WASHC3: variants seen among roughly 807,000 people sequenced by gnomAD.
WASHC3 encodes WASH complex subunit 3, also known as WASH complex subunit CCDC53.
Under a neutral mutation model 26.1 loss-of-function variants are expected in WASHC3, and 24 were observed. The observed-to-expected ratio is 0.92, with a 90% CI of 0.66 to 1.29. The LOEUF is 1.29. Ranked by LOEUF, WASHC3 falls within the 50% of genes most tolerant of loss-of-function variation. The probability of loss-of-function intolerance (pLI) is 0.00; values close to 1 mark genes in which losing one functional copy is unlikely to be tolerated. For missense variants in WASHC3, 214 were observed against 229.6 expected, an observed-to-expected ratio of 0.93 and a Z score of 0.44; for synonymous variants, 77 against 75.7, an observed-to-expected ratio of 1.02 and a Z score of -0.09.
intron 2 of WASHC3, among the ~76,000 whole-genome samples, chr12:102,052,555 A>G (rs1467474494): frequency 6.6e-6 from 1 of 151,898 alleles, no homozygotes; most frequent in Non-Finnish European, 1.5e-5. Context: ...GGGACAGGCC[A>G]GCCCCAGTGG....
At position 102,061,275 on chromosome 12, in the gene WASHC3, G is replaced by A. The variant is rs1180139731; in HGVS notation, c.123C>T (p.Leu41=). The A allele has an allele frequency of 6.2e-6, 10 of 1,613,768 alleles. No homozygotes were observed. The highest frequency in any genetic ancestry group is 8.5e-6 in the Non-Finnish European group (10 of 1,179,726). ...NQFVVHTVQF[L]NRFSTVCEEK... Reference sequence around the variant, plus strand: ...CCTCACAAACTGTAGAAAAGCGGTTGAGGAACTGTACAGTGTGCACCACAA... The same window carrying A: ...CCTCACAAACTGTAGAAAAGCGGTTAAGGAACTGTACAGTGTGCACCACAA... Residue 41 remains leucine (L), a synonymous_variant, in exon 2 of 7, where the codon CTC becomes CTT. Coordinates refer to ENST00000240079, the MANE Select transcript of WASHC3 (RefSeq NM_016053.4).
At chr12:102,058,858 C>A (rs377675361) in intron 2 of WASHC3, among the ~76,000 whole-genome samples, 1 of 152,044 alleles carries the variant, frequency 6.6e-6, no homozygotes, top group Non-Finnish European at 1.5e-5. Flanking sequence ...CAATGGAATA[C>A]TATTTAGCCT....
At chr12:102,054,697 A>G (rs1046862032) in intron 2 of WASHC3, among the ~76,000 whole-genome samples, 1 of 152,248 alleles carries the variant, frequency 6.6e-6, no homozygotes, top group African/African-American at 2.4e-5. Context: ...GGAGACTGAA[A>G]TCGTATCAAG....
chr12:102,026,171 C>G (rs1877180333), intron 5 of WASHC3, 133 bp from the exon 6 acceptor site: 1 of 596,446 alleles, frequency 1.7e-6, no homozygotes, highest in South Asian at 2.2e-5. Context: ...TTAGCATGTG[C>G]CTAGCACTAG....
intron 2 of WASHC3, among the ~76,000 whole-genome samples, chr12:102,048,667 C>T (rs895156781): frequency 1.3e-5 from 2 of 151,598 alleles, no homozygotes; most frequent in Non-Finnish European, 2.9e-5. Context: ...ATCACAATTG[C>T]TGCAGATTTC....
chr12:102,025,409 A>C (rs79139437), intron 6 of WASHC3, among the ~76,000 whole-genome samples: 1 of 152,116 alleles, frequency 6.6e-6, no homozygotes, highest in East Asian at 1.9e-4. Context: ...TAAAATTCAC[A>C]CAATAAGGGA....
intron 4 of WASHC3, among the ~76,000 whole-genome samples, chr12:102,042,643 TTAGTTTATGAAAG>T (rs1877987223): frequency 3.3e-5 from 5 of 152,192 alleles, no homozygotes; most frequent in African/African-American, 1.2e-4. Context: ...AAAGATTAAA[TTAGTTTATGAAAG>T]GCACTTAGAA....
chr12:102,027,818 TTA>T (rs1206295020), intron 5 of WASHC3, among the ~76,000 whole-genome samples: 1 of 152,152 alleles, frequency 6.6e-6, no homozygotes, highest in Non-Finnish European at 1.5e-5. Context: ...ATTTATATAC[TTA>T]TCTTGGTAAC....
At chr12:102,050,544 G>A in intron 2 of WASHC3, 1 of 451,954 alleles carries the variant, frequency 2.2e-6, no homozygotes, top group Non-Finnish European at 4.4e-6. Flanking sequence ...TAGGGAGGCT[G>A]AGGTGGGAGG....
At chr12:102,026,972 A>AATC (rs1284765601) in intron 5 of WASHC3, among the ~76,000 whole-genome samples, 42 of 152,316 alleles carry the variant, frequency 2.8e-4, no homozygotes, top group Non-Finnish European at 1.5e-5. Context: ...GAAAAAGCCC[A>AATC]ATCACCTCTC....
intron 5 of WASHC3, among the ~76,000 whole-genome samples, chr12:102,037,092 A>G (rs1481799476): frequency 1.3e-5 from 2 of 152,222 alleles, no homozygotes; most frequent in African/African-American, 4.8e-5. Flanking sequence ...TAGAGATTCT[A>G]ATTTTGTAGG....
At chr12:102,027,568 G>T (rs1303583360) in intron 5 of WASHC3, among the ~76,000 whole-genome samples, 1 of 151,924 alleles carries the variant, frequency 6.6e-6, no homozygotes, top group Non-Finnish European at 1.5e-5. Flanking sequence ...TTTTTAATAA[G>T]AAAATTTTAT....
chr12:102,052,329 C>T (rs1878423820), intron 2 of WASHC3, among the ~76,000 whole-genome samples: 1 of 152,194 alleles, frequency 6.6e-6, no homozygotes, highest in Non-Finnish European at 1.5e-5. Flanking sequence ...CCAGGCCCAC[C>T]CCAGCAGAAC....
intron 6 of WASHC3, among the ~76,000 whole-genome samples, chr12:102,018,516 A>G (rs1876807165): frequency 2.6e-5 from 4 of 152,210 alleles, no homozygotes; most frequent in Admixed American, 2.6e-4. Flanking sequence ...TCTGTTGCCC[A>G]GGCTGGAGTG....
intron 5 of WASHC3, among the ~76,000 whole-genome samples, chr12:102,030,245 A>G (rs1408727315): frequency 6.6e-6 from 1 of 150,866 alleles, no homozygotes; most frequent in Non-Finnish European, 1.5e-5. Context: ...CGGTGAGCCA[A>G]GATTGCACCA....
chr12:102,016,041 C>T (rs1180411471), intron 6 of WASHC3, among the ~76,000 whole-genome samples: 1 of 152,014 alleles, frequency 6.6e-6, no homozygotes, highest in East Asian at 1.9e-4. Context: ...AGGCATGCGC[C>T]ACCACCCCTG....
chr12:102,059,808 G>C (rs745810748), intron 2 of WASHC3: 2 of 152,102 alleles, frequency 1.3e-5, no homozygotes, highest in African/African-American at 2.4e-5. Flanking sequence ...AAAAATCGAA[G>C]GGTGAAAACC....
At chr12:102,016,654 G>C (rs1402553242) in intron 6 of WASHC3, among the ~76,000 whole-genome samples, 1 of 152,180 alleles carries the variant, frequency 6.6e-6, no homozygotes, top group Non-Finnish European at 1.5e-5. Flanking sequence ...TGCCCCTGAA[G>C]ACCTTTTAGT....
At chr12:102,038,547 G>A (rs1388590385) in intron 5 of WASHC3, among the ~76,000 whole-genome samples, 1 of 152,042 alleles carries the variant, frequency 6.6e-6, no homozygotes, top group Non-Finnish European at 1.5e-5. Flanking sequence ...TGTTGTTGTT[G>A]TTGTTTTTTA....
Sources: allele counts gnomAD v4.1 joint callset (sites outside exome capture counted in the v4.1 genomes callset), GRCh38; gene constraint gnomAD v4.1.1; transcripts MANE v1.5; gene names NCBI Gene and HGNC (gene_info 2026-07-23, HGNC 2026-07-21).